The following DERL3 variants were observed in gnomAD, a reference collection of about 807,000 sequenced individuals.
DERL3 encodes derlin 3, also known as derlin-3.
In DERL3, 20 loss-of-function variants were observed where a neutral mutation model predicts 23.8. The observed-to-expected ratio is 0.84, with a 90% CI of 0.59 to 1.22. The LOEUF (loss-of-function observed/expected upper bound fraction) is 1.22, where lower values mean the gene tolerates loss of function less well. Among genes scored for constraint, DERL3 ranks in the 50% most tolerant of loss-of-function variants. The pLI, the probability that DERL3 is intolerant of heterozygous loss-of-function variation, is 0.00. For missense variants in DERL3, 319 were observed against 304.1 expected, an observed-to-expected ratio of 1.05 and a Z score of -0.36; for synonymous variants, 145 against 132.5, an observed-to-expected ratio of 1.09 and a Z score of -0.65.
intron 5 of DERL3, 68 bp from the exon 6 acceptor site, chr22:23,837,222 C>A: frequency 3.8e-6 from 6 of 1,568,772 alleles, no homozygotes; most frequent in Non-Finnish European, 5.2e-6. Flanking sequence ...CAGAGCCTGC[C>A]CCAGGCCCCC....
In DERL3 at chr22:23,838,710, C is replaced by G; in HGVS notation, c.159+1G>C. 6.5e-7 allele frequency: 1 copy of G among 1,550,080 alleles called. No individual in the cohort carries two copies. The highest frequency in any genetic ancestry group is 8.7e-7 in the Non-Finnish European group (1 of 1,146,482). ...AGGTGCGCGGCGCGGGGCGGCCTCACCTGGAACTTCCGGAACACAAGGTGC... is the reference window on the plus strand; with the variant it reads ...AGGTGCGCGGCGCGGGGCGGCCTCAGCTGGAACTTCCGGAACACAAGGTGC... On this transcript the variant is annotated splice_donor_variant, in intron 2 of 6. Coordinates refer to ENST00000318109, the MANE Select transcript of DERL3 (RefSeq NM_001002862.3). LOFTEE classifies it high-confidence loss of function.
chr22:23,837,344 G>T, intron 5 of DERL3, 190 bp from the exon 6 acceptor site: 1 of 766,508 alleles, frequency 1.3e-6, no homozygotes. Context: ...CCCAGAAGCA[G>T]GCAGGACCCA....
rs902907022 is a variant in DERL3, at chr22:23,836,192, T to C, written c.*677A>G. On this transcript the variant is annotated 3_prime_UTR_variant, in exon 7 of 7. Coordinates refer to ENST00000318109, the MANE Select transcript of DERL3 (RefSeq NM_001002862.3). Reference sequence around the variant, plus strand: ...TCAGAACTCTGCTAAGGTGAAAACTTAGGCTCTGAGGTCATAGAAAGGGCA... The same window carrying C: ...TCAGAACTCTGCTAAGGTGAAAACTCAGGCTCTGAGGTCATAGAAAGGGCA... 3.0e-6 allele frequency: 3 copies of C among 985,304 alleles called. No homozygotes were observed. The Admixed American group carries it at 1.8e-4, about 61-fold the overall frequency. The allele number at this position is 985,304 out of a possible 1,614,324, so 61.0% of individuals were successfully genotyped here. A position where few individuals can be genotyped will look rare whatever the true frequency, so the allele number is the denominator to read the frequency against.
intron 1 of DERL3, 37 bp downstream of exon 1, chr22:23,838,858 G>A (rs1011795424): frequency 1.3e-6 from 2 of 1,550,752 alleles, no homozygotes; most frequent in Non-Finnish European, 1.7e-6. Context: ...GCCAGAGGCT[G>A]TAACCAAGGC....
intron 4 of DERL3, 116 bp from the exon 5 acceptor site, chr22:23,837,970 A>G: frequency 3.2e-6 from 4 of 1,266,376 alleles, no homozygotes; most frequent in Non-Finnish European, 4.3e-6. Flanking sequence ...TTCCCTCATC[A>G]AGATGAGCCA....
Position 23,835,215 on chromosome 22 carries a change from C to T in DERL3, c.*1654G>A, listed in dbSNP as rs972402981. The T allele has an allele frequency of 2.0e-4, 247 of 1,249,922 alleles. 1 individual carries two copies. The highest frequency in any genetic ancestry group is 2.4e-4 in the Non-Finnish European group (236 of 997,032). 77.4% of individuals were successfully genotyped at this position (1,249,922 alleles called of 1,614,324 possible). ...CCTGCCTCCAAGGAGTTCATGTCCC[C>T]TCTGTTCTCATCTGTAATAGGGAGG... On this transcript the variant is annotated 3_prime_UTR_variant, in exon 7 of 7. Transcript: ENST00000318109.
chr22:23,836,692 G>T lies in DERL3; in HGVS notation c.*177C>A. ...GGACGGGGCAGGCATAGAAGGATGT[G>T]GCCAGGTGAGATGGGGAAGCCAGTG... On this transcript the variant is annotated 3_prime_UTR_variant, in exon 7 of 7. Transcript: ENST00000318109. 7.6e-7 allele frequency: 1 copy of T among 1,322,194 alleles called. No homozygotes were observed. The highest frequency in any genetic ancestry group is 2.4e-5 in the South Asian group (1 of 41,606). 81.9% of individuals were successfully genotyped at this position (1,322,194 alleles called of 1,614,324 possible).
chr22:23,836,747 G>T lies in DERL3; in HGVS notation c.*122C>A. Reference sequence around the variant, plus strand: ...GGGCCAAGAGACTGCAGCTCATTCTGTTTATTCAGGTGGGCCCTTGCATGG... The same window carrying T: ...GGGCCAAGAGACTGCAGCTCATTCTTTTTATTCAGGTGGGCCCTTGCATGG... On this transcript the variant is annotated 3_prime_UTR_variant, in exon 7 of 7. Coordinates refer to ENST00000318109, the MANE Select transcript of DERL3 (RefSeq NM_001002862.3). The T allele has an allele frequency of 7.2e-7, 1 of 1,380,560 alleles. No homozygotes were observed. The highest frequency in any genetic ancestry group is 9.3e-7 in the Non-Finnish European group (1 of 1,070,974). 85.5% of individuals were successfully genotyped at this position (1,380,560 alleles called of 1,614,324 possible).
At chr22:23,837,895 A>G in intron 4 of DERL3, 41 bp from the exon 5 acceptor site, 2 of 1,575,862 alleles carry the variant, frequency 1.3e-6, no homozygotes, top group Non-Finnish European at 1.7e-6. Context: ...GCCTCAGCCC[A>G]AGCCCAGGGC....
intron 4 of DERL3, 145 bp downstream of exon 4, chr22:23,838,207 G>A (rs1255024285): frequency 1.9e-6 from 3 of 1,548,594 alleles, no homozygotes; most frequent in Middle Eastern, 1.7e-4. Context: ...CCCTGCAGCT[G>A]AGCACAGAGT....
At chr22:23,837,433 C>T (rs2146062814) in intron 5 of DERL3, 1 of 645,318 alleles carries the variant, frequency 1.5e-6, no homozygotes, top group Non-Finnish European at 2.7e-6. Flanking sequence ...TCACTCCCAT[C>T]AGGACCGTGC....
chr22:23,838,275 G>A (rs1483806654), intron 4 of DERL3, 77 bp downstream of exon 4: 1 of 1,553,180 alleles, frequency 6.4e-7, no homozygotes, highest in Non-Finnish European at 8.7e-7. Context: ...TGGCATGGCT[G>A]TGTTGGCCCC....
In DERL3 at chr22:23,837,857, G is replaced by A; in HGVS notation, c.328-3C>T. On this transcript the variant is annotated splice_region_variant and splice_polypyrimidine_tract_variant and intron_variant, in intron 4 of 6. Transcript: ENST00000318109. ...AGGCTGCCCAGGAGTCCCAGCAGCT[G>A]GGCCAGAGTCAAGGTGCTCCGGTGC... 6.2e-7 allele frequency: 1 copy of A among 1,610,194 alleles called. No homozygotes were observed. The highest frequency in any genetic ancestry group is 8.5e-7 in the Non-Finnish European group (1 of 1,177,782).
At position 23,838,226 on chromosome 22, in the gene DERL3, A is replaced by G. The variant is rs1377348779; in HGVS notation, c.327+126T>C. ...GCAGCTGAGCACAGAGTGGGCCCTC[A>G]ACACATACTAAGCTGGAGACAGCGA... On this transcript the variant is annotated intron_variant, in intron 4 of 6. Coordinates refer to ENST00000318109, the MANE Select transcript of DERL3 (RefSeq NM_001002862.3). The G allele has an allele frequency of 2.6e-6, 4 of 1,550,030 alleles. No individual in the cohort carries two copies. The East Asian group carries it at 9.8e-5, about 38-fold the overall frequency.
intron 5 of DERL3, 141 bp from the exon 6 acceptor site, chr22:23,837,295 G>T: frequency 4.4e-6 from 5 of 1,127,480 alleles, no homozygotes; most frequent in Non-Finnish European, 5.1e-6. Context: ...TGCACAGAGT[G>T]CCAGCCCCGG....
chr22:23,836,726 C>G lies in DERL3; in HGVS notation c.*143G>C. Reference sequence around the variant, plus strand: ...AGATGGGGAAGCCAGTGCTGTGGGCCAAGAGACTGCAGCTCATTCTGTTTA... The same window carrying G: ...AGATGGGGAAGCCAGTGCTGTGGGCGAAGAGACTGCAGCTCATTCTGTTTA... On this transcript the variant is annotated 3_prime_UTR_variant, in exon 7 of 7. Transcript: ENST00000318109. The G allele has an allele frequency of 7.4e-7, 1 of 1,358,444 alleles. No individual in the cohort carries two copies. Among genetic ancestry groups the G allele is most frequent in the East Asian group, 2.9e-5 (1 of 34,064 alleles). The allele number at this position is 1,358,444 out of a possible 1,614,324, so 84.1% of individuals were successfully genotyped here.
intron 5 of DERL3, 49 bp from the exon 6 acceptor site, chr22:23,837,203 C>T: frequency 6.9e-6 from 11 of 1,602,484 alleles, no homozygotes; most frequent in Non-Finnish European, 9.4e-6. Context: ...GCCCAGAGTC[C>T]TAGACCAGCA....
Position 23,835,189 on chromosome 22 carries a change from C to T in DERL3, c.*1680G>A. ...GACACAGCCCAGGGTCCCTTCCCAG[C>T]CCTGCCTCCAAGGAGTTCATGTCCC... On this transcript the variant is annotated 3_prime_UTR_variant, in exon 7 of 7. Coordinates refer to ENST00000318109, the MANE Select transcript of DERL3 (RefSeq NM_001002862.3). 1 of 1,274,296 alleles carries T rather than the reference C, an allele frequency of 7.8e-7. No homozygotes were observed. The highest frequency in any genetic ancestry group is 9.9e-7 in the Non-Finnish European group (1 of 1,012,116). 78.9% of individuals were successfully genotyped at this position (1,274,296 alleles called of 1,614,324 possible).
chr22:23,838,186 C>G (rs2146069118), intron 4 of DERL3, 166 bp downstream of exon 4: 1 of 1,546,004 alleles, frequency 6.5e-7, no homozygotes, highest in Non-Finnish European at 8.7e-7. Flanking sequence ...CACTGAAGAT[C>G]TAGCCCTGAC....
Sources: gnomAD v4.1 joint callset for allele counts on GRCh38, gnomAD v4.1.1 for gene constraint, MANE v1.5 for transcripts, NCBI Gene and HGNC (gene_info 2026-07-23, HGNC 2026-07-21) for gene names.